The following SCAPER variants were observed in gnomAD, a reference collection of about 807,000 sequenced individuals.
The protein encoded by SCAPER is S-phase cyclin A associated protein in the ER, also known as S phase cyclin A-associated protein in the endoplasmic reticulum.
SCAPER carries 98 observed loss-of-function variants against 182.2 expected under a neutral mutation model. The observed-to-expected ratio is 0.54, with a 90% CI of 0.46 to 0.64. The LOEUF is 0.64. Among genes scored for constraint, SCAPER ranks in the 30% least tolerant of loss-of-function variants. The pLI is 0.00. For synonymous variants in SCAPER, 605 were observed against 564.6 expected (o/e 1.07, Z -1.01); for missense variants, 1,432 against 1,690.0 (o/e 0.85, Z 2.68).
At chr15:76,780,742 A>C (rs1264181333) in intron 8 of SCAPER, among the ~76,000 whole-genome samples, 1 of 152,232 alleles carries the variant, frequency 6.6e-6, no homozygotes, top group Non-Finnish European at 1.5e-5. Context: ...CCAGGCAAAC[A>C]GGTTCTGGAG....
intron 22 of SCAPER, among the ~76,000 whole-genome samples, chr15:76,615,782 T>C (rs986958438): frequency 6.8e-6 from 1 of 146,506 alleles, no homozygotes; most frequent in Admixed American, 7.0e-5. Flanking sequence ...ATCCCACCAT[T>C]GCACTCCAGC....
intron 22 of SCAPER, 64 bp from the exon 23 acceptor site, chr15:76,574,348 A>G: frequency 2.0e-6 from 3 of 1,516,382 alleles, no homozygotes; most frequent in South Asian, 1.2e-5. Context: ...TCATTTCCCA[A>G]AACACTTTGA....
At chr15:76,535,642 C>A (rs1384126624) in intron 23 of SCAPER, among the ~76,000 whole-genome samples, 1 of 150,638 alleles carries the variant, frequency 6.6e-6, no homozygotes, top group Non-Finnish European at 1.5e-5. Flanking sequence ...GTTGCCCAGA[C>A]AACATACAGG....
At chr15:76,831,419 A>T (rs1292438013) in intron 5 of SCAPER, among the ~76,000 whole-genome samples, 1 of 151,282 alleles carries the variant, frequency 6.6e-6, no homozygotes, top group Admixed American at 6.6e-5. Context: ...TTTTGTAGAC[A>T]GGACCCTGCC....
intron 25 of SCAPER, among the ~76,000 whole-genome samples, chr15:76,460,224 T>G (rs1264858426): frequency 6.6e-6 from 1 of 152,154 alleles, no homozygotes; most frequent in Non-Finnish European, 1.5e-5. Flanking sequence ...CTTTCCTCGG[T>G]CCTCATCAGT....
At chr15:76,790,099 C>T (rs910236929) in intron 8 of SCAPER, among the ~76,000 whole-genome samples, 9 of 151,984 alleles carry the variant, frequency 5.9e-5, no homozygotes, top group Admixed American at 1.3e-4. Context: ...GGCGTGGTGG[C>T]GGGCGCCTGT....
intron 23 of SCAPER, among the ~76,000 whole-genome samples, chr15:76,545,675 C>T (rs2045216203): frequency 6.6e-6 from 1 of 152,010 alleles, no homozygotes; most frequent in Admixed American, 6.6e-5. Flanking sequence ...TTCATAATCA[C>T]CCTGGCTTTT....
At chr15:76,396,995 A>G (rs1596426376) in intron 27 of SCAPER, among the ~76,000 whole-genome samples, 1 of 146,238 alleles carries the variant, frequency 6.8e-6, no homozygotes, top group African/African-American at 2.6e-5. Flanking sequence ...TTCTCAACCC[A>G]ATTTTTTGAG....
At position 76,638,128 on chromosome 15, in the gene SCAPER, G is replaced by A. The variant is rs191688629; in HGVS notation, c.2646-16299C>T. Among the ~76,000 whole-genome samples, 3 of 152,024 alleles carry A rather than the reference G, an allele frequency of 2.0e-5. No individual in the cohort carries two copies. The East Asian group carries it at 5.8e-4, about 29-fold the overall frequency. On this transcript the variant is annotated intron_variant, in intron 21 of 31. Coordinates refer to ENST00000563290, the MANE Select transcript of SCAPER (RefSeq NM_020843.4). The stretch of plus-strand genomic sequence containing the variant: ...TGCTTTCTTGATGGGATCTTTTGAA[G>A]CACATAATCTTAATTTTGATTTAAT...
chr15:76,376,263 T>C lies in SCAPER; in HGVS notation c.3754A>G (p.Ser1252Gly), dbSNP rs567097821. The C allele has an allele frequency of 2.5e-5, 40 of 1,613,932 alleles. 2 individuals carry two copies. Among genetic ancestry groups the C allele is most frequent in the East Asian group, 2.2e-5 (1 of 44,886 alleles). Reference protein sequence around the residue: ...GLSLAFRHMASSLLGHCSQVS... With the variant: ...GLSLAFRHMAGSLLGHCSQVS... Reference sequence around the variant, plus strand: ...TGGCTGCAGTGGCCCAGCAGGGAGCTGGCCATGTGCCGGAATGCAAGGGAC... The same window carrying C: ...TGGCTGCAGTGGCCCAGCAGGGAGCCGGCCATGTGCCGGAATGCAAGGGAC... The change falls in exon 29 of 32, where the codon AGC (serine) becomes GGC (glycine). Residue 1252 changes from serine to glycine, a missense_variant. Physicochemically the swap from Ser to Gly is moderately conservative, Grantham distance 56. Coordinates refer to ENST00000563290, the MANE Select transcript of SCAPER (RefSeq NM_020843.4).
chr15:76,683,857 C>T (rs997122655), intron 20 of SCAPER, among the ~76,000 whole-genome samples: 2 of 152,024 alleles, frequency 1.3e-5, no homozygotes, highest in Non-Finnish European at 2.9e-5. Flanking sequence ...CCTAGCAACT[C>T]GGGAGGCTGA....
At chr15:76,428,141 T>A (rs181345519) in intron 26 of SCAPER, among the ~76,000 whole-genome samples, 3 of 152,052 alleles carry the variant, frequency 2.0e-5, no homozygotes, top group Admixed American at 1.3e-4. Flanking sequence ...TTGGTGAGGA[T>A]GTAGAGAAAA....
intron 24 of SCAPER, among the ~76,000 whole-genome samples, chr15:76,484,786 A>C (rs1258686235): frequency 1.3e-5 from 2 of 152,234 alleles, no homozygotes; most frequent in Non-Finnish European, 2.9e-5. Flanking sequence ...TTCATCACAT[A>C]AACAGAACTA....
intron 21 of SCAPER, among the ~76,000 whole-genome samples, chr15:76,640,857 G>A (rs1043044296): frequency 3.9e-5 from 6 of 152,188 alleles, no homozygotes; most frequent in Admixed American, 1.3e-4. Context: ...CACGTGATGT[G>A]CTTTCCCCTG....
At chr15:76,742,898 C>G (rs925155052) in intron 15 of SCAPER, among the ~76,000 whole-genome samples, 3 of 151,916 alleles carry the variant, frequency 2.0e-5, no homozygotes, top group African/African-American at 7.2e-5. Context: ...AGTAACAGAA[C>G]AACAGAAATA....
intron 31 of SCAPER, chr15:76,349,937 TAA>T (rs1374546153): frequency 1.3e-5 from 2 of 151,606 alleles, no homozygotes; most frequent in Non-Finnish European, 2.9e-5. Context: ...GGAGAAAGAG[TAA>T]GAAAAAAATG....
intron 17 of SCAPER, among the ~76,000 whole-genome samples, chr15:76,719,668 A>G (rs1296947689): frequency 6.6e-6 from 1 of 152,160 alleles, no homozygotes; most frequent in Non-Finnish European, 1.5e-5. Flanking sequence ...TATACCTTAA[A>G]TAAACAACAA....
At chr15:76,620,182 A>T (rs2051895295) in intron 22 of SCAPER, among the ~76,000 whole-genome samples, 1 of 152,138 alleles carries the variant, frequency 6.6e-6, no homozygotes, top group African/African-American at 2.4e-5. Context: ...AAAAGCTATT[A>T]ATTTTTGTAT....
intron 24 of SCAPER, among the ~76,000 whole-genome samples, chr15:76,504,180 G>A (rs1269605435): frequency 6.6e-6 from 1 of 152,004 alleles, no homozygotes; most frequent in South Asian, 2.1e-4. Flanking sequence ...GAGCCATTGC[G>A]CCCTGCCTAA....
Sources: gnomAD v4.1 joint callset for allele counts (sites outside exome capture counted in the v4.1 genomes callset) on GRCh38, gnomAD v4.1.1 for gene constraint, MANE v1.5 for transcripts, NCBI Gene and HGNC (gene_info 2026-07-23, HGNC 2026-07-21) for gene names.